FAT3: variants seen among roughly 807,000 people sequenced by gnomAD.
FAT3 encodes the protein FAT atypical cadherin 3.
A neutral mutation model predicts 310.2 loss-of-function variants in FAT3; 95 were observed. The ratio of observed to expected loss-of-function variants is 0.31; its 90% CI spans 0.26 to 0.36. FAT3 has a LOEUF of 0.36. Ranked by LOEUF, FAT3 falls within the 10% of genes least tolerant of loss-of-function variation. The pLI, the probability that FAT3 is intolerant of heterozygous loss-of-function variation, is 1.00. For synonymous variants in FAT3, 2,314 were observed against 2,192.9 expected (o/e 1.06, Z -1.54); for missense variants, 5,408 against 5,715.6 (o/e 0.95, Z 1.74).
At chr11:92,426,718 C>A (rs670582) in intron 2 of FAT3, among the ~76,000 whole-genome samples, 98,433 of 151,810 alleles carry the variant, frequency 0.65, 36,480 homozygotes, top group Non-Finnish European at 0.8. Flanking sequence ...GGCCTCTGTT[C>A]TGTTCCGTTG....
rs570135337 is a variant in FAT3, at chr11:92,629,189, T to C, written c.3608-68195T>C. ...ATCTTTCCCTGCAAGTTGATCATTC[T>C]TTATTAATCAGTGCAACTGGAAATA... is the stretch of plus-strand genomic sequence containing the variant. On this transcript the variant is annotated intron_variant, in intron 3 of 27. Coordinates refer to ENST00000525166, the MANE Select transcript of FAT3 (RefSeq NM_001367949.2). Among the ~76,000 whole-genome samples, 3 of 152,362 alleles carry C rather than the reference T, an allele frequency of 2.0e-5. No homozygotes were observed. In the South Asian group the frequency reaches 6.2e-4, roughly 32 times the overall value.
At chr11:92,532,828 A>G (rs2135388451) in intron 3 of FAT3, among the ~76,000 whole-genome samples, 1 of 152,278 alleles carries the variant, frequency 6.6e-6, no homozygotes, top group South Asian at 2.1e-4. Flanking sequence ...TTGTTTCATC[A>G]TTGGAATGAA....
At chr11:92,357,826 T>C (rs1157628240) in intron 2 of FAT3, among the ~76,000 whole-genome samples, 2 of 152,074 alleles carry the variant, frequency 1.3e-5, no homozygotes, top group Middle Eastern at 3.4e-3. Context: ...TTAGAAAAGA[T>C]ACGTATCTGC....
At chr11:92,770,403 T>A (rs1418243713) in intron 6 of FAT3, among the ~76,000 whole-genome samples, 3 of 152,220 alleles carry the variant, frequency 2.0e-5, no homozygotes, top group Non-Finnish European at 4.4e-5. Context: ...TTCAGCCAGG[T>A]ACTGTGCTTG....
intron 1 of FAT3, among the ~76,000 whole-genome samples, chr11:92,350,343 C>T (rs1340694605): frequency 6.9e-6 from 1 of 144,476 alleles, no homozygotes; most frequent in Non-Finnish European, 1.5e-5. Flanking sequence ...ATATGTTAAA[C>T]TCCTGTAGGG....
At chr11:92,447,135 G>T (rs1951231326) in intron 2 of FAT3, among the ~76,000 whole-genome samples, 1 of 151,736 alleles carries the variant, frequency 6.6e-6, no homozygotes, top group Non-Finnish European at 1.5e-5. Context: ...AACTGAAAAT[G>T]ATACACGTGT....
chr11:92,621,846 G>A (rs560152236), intron 3 of FAT3, among the ~76,000 whole-genome samples: 23 of 152,208 alleles, frequency 1.5e-4, no homozygotes, highest in African/African-American at 5.3e-4. Context: ...TTCACGCCAC[G>A]ATCAGCGGAG....
intron 4 of FAT3, among the ~76,000 whole-genome samples, chr11:92,708,933 A>G (rs1944440407): frequency 1.3e-5 from 2 of 152,222 alleles, no homozygotes; most frequent in Non-Finnish European, 2.9e-5. Flanking sequence ...TGGCATGGCT[A>G]TGATGAAGGT....
chr11:92,737,116 C>T (rs1054761957), intron 4 of FAT3, among the ~76,000 whole-genome samples: 1 of 152,058 alleles, frequency 6.6e-6, no homozygotes, highest in Non-Finnish European at 1.5e-5. Context: ...AAGACTGAAA[C>T]AGTAATATCT....
At chr11:92,431,217 A>G (rs1174701643) in intron 2 of FAT3, among the ~76,000 whole-genome samples, 1 of 152,172 alleles carries the variant, frequency 6.6e-6, no homozygotes, top group Non-Finnish European at 1.5e-5. Context: ...CTGGTGTGAG[A>G]TGATATCTCA....
At chr11:92,450,672 T>C (rs557936087) in intron 2 of FAT3, among the ~76,000 whole-genome samples, 1 of 152,290 alleles carries the variant, frequency 6.6e-6, no homozygotes, top group South Asian at 2.1e-4. Flanking sequence ...GAAGATATGC[T>C]CCAGAAGCCA....
chr11:92,407,581 ATG>A (rs1591242900), intron 2 of FAT3, among the ~76,000 whole-genome samples: 1 of 152,168 alleles, frequency 6.6e-6, no homozygotes, highest in East Asian at 1.9e-4. Context: ...GATTACATAA[ATG>A]TAACTAGTCA....
At chr11:92,382,855 T>C (rs58088810) in intron 2 of FAT3, among the ~76,000 whole-genome samples, 2 of 152,180 alleles carry the variant, frequency 1.3e-5, no homozygotes, top group Non-Finnish European at 2.9e-5. Context: ...TTTAAGTTCA[T>C]GGGTACATGT....
chr11:92,240,941 C>A (rs143200654), intron 1 of FAT3, among the ~76,000 whole-genome samples: 29 of 152,100 alleles, frequency 1.9e-4, no homozygotes, highest in African/African-American at 6.5e-4. Context: ...CCCATGCCCC[C>A]CTTCCTGCCA....
intron 3 of FAT3, among the ~76,000 whole-genome samples, chr11:92,582,469 A>C: frequency 6.6e-6 from 1 of 152,030 alleles, no homozygotes; most frequent in Non-Finnish European, 1.5e-5. Flanking sequence ...TCTGATATTC[A>C]AATTTAACTG....
At chr11:92,755,552 C>T (rs1945968294) in intron 4 of FAT3, among the ~76,000 whole-genome samples, 1 of 151,948 alleles carries the variant, frequency 6.6e-6, no homozygotes, top group Admixed American at 6.6e-5. Flanking sequence ...CTTCTCACCA[C>T]AAAAAAAGTT....
At chr11:92,590,160 A>C (rs1385522741) in intron 3 of FAT3, among the ~76,000 whole-genome samples, 1 of 152,126 alleles carries the variant, frequency 6.6e-6, no homozygotes, top group Non-Finnish European at 1.5e-5. Flanking sequence ...GAATTTTCCT[A>C]GTCCAGGGAA....
intron 3 of FAT3, among the ~76,000 whole-genome samples, chr11:92,634,968 G>A (rs1050028422): frequency 6.6e-5 from 10 of 152,154 alleles, no homozygotes; most frequent in African/African-American, 9.7e-5. Flanking sequence ...CACCCACAGC[G>A]GAAAGGCCTT....
intron 2 of FAT3, among the ~76,000 whole-genome samples, chr11:92,392,470 T>G (rs1565280711): frequency 6.6e-6 from 1 of 152,126 alleles, no homozygotes; most frequent in Non-Finnish European, 1.5e-5. Flanking sequence ...TTCTTCCTGG[T>G]CACCTGGCTG....
Sources: allele counts gnomAD v4.1 joint callset (sites outside exome capture counted in the v4.1 genomes callset), GRCh38; gene constraint gnomAD v4.1.1; transcripts MANE v1.5; gene names NCBI Gene and HGNC (gene_info 2026-07-23, HGNC 2026-07-21).